Variants in LIX1L observed in about 807,000 individuals in gnomAD.
LIX1L encodes limb and CNS expressed 1 like.
LIX1L carries 20 observed loss-of-function variants against 34.0 expected under a neutral mutation model. That is an observed-to-expected ratio of 0.59 (90% CI 0.41 to 0.85). The LOEUF is 0.85. Ranked by LOEUF, LIX1L falls within the 40% of genes least tolerant of loss-of-function variation. The pLI, the probability that LIX1L is intolerant of heterozygous loss-of-function variation, is 0.00. For missense variants in LIX1L, 397 were observed against 447.0 expected (o/e 0.89, Z 1.01); for synonymous variants, 170 against 187.4 (o/e 0.91, Z 0.76).
rs893021428 is a variant in LIX1L, at chr1:145,934,320, T to A, written c.*1990A>T. 8.5e-5 allele frequency: 13 copies of A among 152,206 alleles called. No individual in the cohort carries two copies. The highest frequency in any genetic ancestry group is 5.8e-4 in the East Asian group (3 of 5,196). 9.4% of individuals were successfully genotyped at this position (152,206 alleles called of 1,614,324 possible). Reference sequence around the variant, plus strand: ...CGGGCGCGGTGGCTCACGCCTGTAATCCCAGCACTTTGGGAGGCCGAGGCG... The same window carrying A: ...CGGGCGCGGTGGCTCACGCCTGTAAACCCAGCACTTTGGGAGGCCGAGGCG... On this transcript the variant is annotated 3_prime_UTR_variant, in exon 6 of 6. Transcript: ENST00000604000.
intron 1 of LIX1L, among the ~76,000 whole-genome samples, chr1:145,949,677 G>A (rs1167724562): frequency 3.9e-5 from 6 of 152,012 alleles, no homozygotes; most frequent in African/African-American, 1.4e-4. Context: ...AAAAAAAAAG[G>A]AGGGATGAGA....
rs114974512 is a variant in LIX1L, at chr1:145,954,081, A to T, written c.292+3555T>A. Among the ~76,000 whole-genome samples, 1,455 of 151,968 alleles carry T rather than the reference A, an allele frequency of 9.6e-3. 24 individuals carry two copies. The highest frequency in any genetic ancestry group is 0.033 in the African/African-American group (1,373 of 41,422). On this transcript the variant is annotated intron_variant, in intron 1 of 5. Coordinates refer to ENST00000604000, the MANE Select transcript of LIX1L (RefSeq NM_153713.3). ...TTTCTTAAAAAAAAAAAAAGGAGGC[A>T]TATTTGATGAAGAGGAGGAGTCACG...
At chr1:145,937,545 A>G in intron 4 of LIX1L, 59 bp downstream of exon 4, 2 of 995,978 alleles carry the variant, frequency 2.0e-6, no homozygotes, top group Non-Finnish European at 1.6e-6. Flanking sequence ...GAGCCATTAT[A>G]TATTACAGTA....
At position 145,947,795 on chromosome 1, in the gene LIX1L, A is replaced by G. The variant is rs1649164743; in HGVS notation, c.293-13T>C. On this transcript the variant is annotated splice_polypyrimidine_tract_variant and intron_variant, in intron 1 of 5. Coordinates refer to ENST00000604000, the MANE Select transcript of LIX1L (RefSeq NM_153713.3). Reference sequence around the variant, plus strand: ...TCCACCACATTCACTACAAAAGAGAAGTACTTAAGTTCAGCAATGAATGAG... The same window carrying G: ...TCCACCACATTCACTACAAAAGAGAGGTACTTAAGTTCAGCAATGAATGAG... 6.2e-7 allele frequency: 1 copy of G among 1,613,380 alleles called. No homozygotes were observed. Among genetic ancestry groups the G allele is most frequent in the African/African-American group, 1.3e-5 (1 of 74,922 alleles).
chr1:145,936,782 G>A, intron 5 of LIX1L, 126 bp downstream of exon 5: 2 of 824,786 alleles, frequency 2.4e-6, no homozygotes, highest in Non-Finnish European at 2.0e-6. Flanking sequence ...GGGTACTTAG[G>A]TAAGGCTTTC....
In LIX1L at chr1:145,952,347, A is replaced by G. The variant is rs59997472; in HGVS notation, c.293-4565T>C. 4.5e-3 allele frequency among the ~76,000 whole-genome samples: 691 copies of G among 152,268 alleles called. 5 individuals carry two copies. The highest frequency in any genetic ancestry group is 0.016 in the African/African-American group (657 of 41,548). On this transcript the variant is annotated intron_variant, in intron 1 of 5. Coordinates refer to ENST00000604000, the MANE Select transcript of LIX1L (RefSeq NM_153713.3). ...TTTTGTATCATATTTTCAATGAGGAACCATGGATATAATGGTTTACATAAG... is the reference window on the plus strand; with the variant it reads ...TTTTGTATCATATTTTCAATGAGGAGCCATGGATATAATGGTTTACATAAG...
intron 3 of LIX1L, among the ~76,000 whole-genome samples, chr1:145,937,900 G>C (rs1178638684): frequency 6.6e-6 from 1 of 152,092 alleles, no homozygotes; most frequent in Non-Finnish European, 1.5e-5. Flanking sequence ...GGCCAAGGTG[G>C]GCAGATCACT....
At chr1:145,943,789 A>C (rs1553758951) in intron 2 of LIX1L, among the ~76,000 whole-genome samples, 4 of 152,026 alleles carry the variant, frequency 2.6e-5, no homozygotes. Context: ...TAATCCCAGC[A>C]CTTTGGGAGG....
intron 2 of LIX1L, among the ~76,000 whole-genome samples, chr1:145,944,368 A>G (rs1218356536): frequency 1.3e-5 from 2 of 152,166 alleles, no homozygotes; most frequent in African/African-American, 4.8e-5. Flanking sequence ...TAAAAAAACA[A>G]TAAATAAGTA....
At chr1:145,954,446 G>A (rs1649402468) in intron 1 of LIX1L, among the ~76,000 whole-genome samples, 1 of 152,176 alleles carries the variant, frequency 6.6e-6, no homozygotes, top group Non-Finnish European at 1.5e-5. Flanking sequence ...GAAGCTATCT[G>A]TGATTCTGAG....
chr1:145,947,499 C>T (rs1338977800), intron 2 of LIX1L, 120 bp downstream of exon 2: 15 of 1,048,358 alleles, frequency 1.4e-5, no homozygotes, highest in Non-Finnish European at 2.1e-5. Context: ...ATAATTTCCC[C>T]AGAATTGCTT....
chr1:145,945,035 GAAAA>G (rs782796234), intron 2 of LIX1L, among the ~76,000 whole-genome samples: 1 of 115,788 alleles, frequency 8.6e-6, no homozygotes, highest in African/African-American at 3.2e-5. Context: ...TCTCAAGAAA[GAAAA>G]AAAAAAAAAA....
At chr1:145,937,928 G>C (rs1478643522) in intron 3 of LIX1L, among the ~76,000 whole-genome samples, 1 of 152,138 alleles carries the variant, frequency 6.6e-6, no homozygotes, top group Non-Finnish European at 1.5e-5. Context: ...AGGAGTTTGA[G>C]ACCAGCCTGG....
At position 145,936,343 on chromosome 1, in the gene LIX1L, C is replaced by G; in HGVS notation, c.981G>C (p.Gly327=). 6.2e-7 allele frequency: 1 copy of G among 1,614,094 alleles called. No homozygotes were observed. Among genetic ancestry groups the G allele is most frequent in the Non-Finnish European group, 8.5e-7 (1 of 1,180,026 alleles). The change falls in exon 6 of 6, where the codon GGG becomes GGC. Residue 327 remains glycine (G), a synonymous_variant. Coordinates refer to ENST00000604000, the MANE Select transcript of LIX1L (RefSeq NM_153713.3). ...EKKDILVLAA[G]QLGNMHSSNC is the part of the protein sequence containing the mutation. ...TGGAAGAATGCATATTGCCCAACTGCCCAGCAGCCAGCACAAGAATATCTT... is the reference window on the plus strand; with the variant it reads ...TGGAAGAATGCATATTGCCCAACTGGCCAGCAGCCAGCACAAGAATATCTT...
chr1:145,957,552 G>A lies in LIX1L; in HGVS notation c.292+84C>T, dbSNP rs1431085717. ...AAGGAAATGCATGTGAGGGCTCCAC[G>A]CCAGGAAAAGCGATCCGGAGGACTG... On this transcript the variant is annotated intron_variant, in intron 1 of 5. Coordinates refer to ENST00000604000, the MANE Select transcript of LIX1L (RefSeq NM_153713.3). 2.9e-6 allele frequency: 4 copies of A among 1,358,028 alleles called. No homozygotes were observed. In the East Asian group the frequency reaches 1.2e-4, roughly 41 times the overall value. 84.1% of individuals were successfully genotyped at this position (1,358,028 alleles called of 1,614,324 possible).
Position 145,957,895 on chromosome 1 carries a change from A to G in LIX1L, c.33T>C (p.Pro11=), listed in dbSNP as rs1237960757. The G allele has an allele frequency of 1.0e-5, 15 of 1,488,834 alleles. No homozygotes were observed. The African/African-American group carries it at 2.0e-4, about 20-fold the overall frequency. 92.2% of individuals were successfully genotyped at this position (1,488,834 alleles called of 1,614,324 possible). Residue 11 remains proline, a synonymous_variant, in exon 1 of 6, where the codon CCT becomes CCC. Transcript: ENST00000604000. ...TGCCCCTCCCGCTGGTGCCCACACC[A>G]GGCTGCAGCCGCTGCGCTCGCATAG... The part of the protein sequence containing the change: METMRAQRLQ[P]GVGTSGRGTL...
At chr1:145,943,429 A>T (rs1237731935) in intron 2 of LIX1L, among the ~76,000 whole-genome samples, 1 of 152,226 alleles carries the variant, frequency 6.6e-6, no homozygotes, top group African/African-American at 2.4e-5. Context: ...GAAGGGTTTA[A>T]GTCTGAAGAA....
At chr1:145,939,436 G>C (rs1177189036) in intron 3 of LIX1L, among the ~76,000 whole-genome samples, 1 of 151,416 alleles carries the variant, frequency 6.6e-6, no homozygotes, top group East Asian at 1.9e-4. Flanking sequence ...CTCCCACGTA[G>C]CTGGGACTAC....
Position 145,948,814 on chromosome 1 carries a change from G to A in LIX1L, c.293-1032C>T, listed in dbSNP as rs1276441712. ...GTGCTTGCAGCAAGAAATATTGAGG[G>A]ATGAGGTACTACCTTCACTCAGATA... On this transcript the variant is annotated intron_variant, in intron 1 of 5. Coordinates refer to ENST00000604000, the MANE Select transcript of LIX1L (RefSeq NM_153713.3). The surrounding 1 kb of genome is among the most constrained non-coding windows in gnomAD (Gnocchi z 4.0). The A allele has an allele frequency of 1.3e-5, 2 of 152,152 alleles. No homozygotes were observed. Among genetic ancestry groups the A allele is most frequent in the Non-Finnish European group, 2.9e-5 (2 of 68,036 alleles). 9.4% of individuals were successfully genotyped at this position (152,152 alleles called of 1,614,324 possible).
Sources: allele counts gnomAD v4.1 joint callset (sites outside exome capture counted in the v4.1 genomes callset), GRCh38; gene constraint gnomAD v4.1.1; non-coding constraint Gnocchi (gnomAD v3.1); transcripts MANE v1.5; gene names NCBI Gene and HGNC (gene_info 2026-07-23, HGNC 2026-07-21).